The following NCALD variants were observed in gnomAD, a reference collection of about 807,000 sequenced individuals.
NCALD encodes the protein neurocalcin-delta.
In NCALD, 10 loss-of-function variants were observed where a neutral mutation model predicts 18.6. That is an observed-to-expected ratio of 0.54 (90% confidence interval 0.33 to 0.91). The LOEUF (loss-of-function observed/expected upper bound fraction) is 0.91, where lower values mean the gene tolerates loss of function less well. Ranked by LOEUF, NCALD falls within the 40% of genes least tolerant of loss-of-function variation. The pLI is 0.03. For missense variants in NCALD, 184 were observed against 247.6 expected (o/e 0.74, Z 1.72); for synonymous variants, 88 against 87.4 (o/e 1.01, Z -0.04).
At chr8:101,988,134 G>A (rs1394195805) in intron 2 of NCALD, among the ~76,000 whole-genome samples, 2 of 126,910 alleles carry the variant, frequency 1.6e-5, no homozygotes, top group Non-Finnish European at 3.1e-5. Context: ...CGGCCTGGGC[G>A]AAACAGCGAG....
At chr8:102,118,271 C>T (rs1179874064) in intron 1 of NCALD, among the ~76,000 whole-genome samples, 3 of 152,236 alleles carry the variant, frequency 2.0e-5, no homozygotes, top group Non-Finnish European at 4.4e-5. Flanking sequence ...GCCAGCAGCC[C>T]TGTCCCCTGA....
intron 2 of NCALD, among the ~76,000 whole-genome samples, chr8:101,925,446 T>C (rs977659900): frequency 1.3e-5 from 2 of 152,070 alleles, no homozygotes; most frequent in Admixed American, 6.6e-5. Flanking sequence ...AGTTGAAGGA[T>C]AGACACATAT....
At chr8:101,889,168 T>C (rs1211589687) in intron 3 of NCALD, among the ~76,000 whole-genome samples, 1 of 152,250 alleles carries the variant, frequency 6.6e-6, no homozygotes, top group Non-Finnish European at 1.5e-5. Context: ...GGAAGATTTA[T>C]CTCTTGCAGT....
chr8:102,115,733 C>A (rs1159964413), intron 1 of NCALD, among the ~76,000 whole-genome samples: 1 of 152,230 alleles, frequency 6.6e-6, no homozygotes, highest in Admixed American at 6.5e-5. Context: ...TGAGTCTCTG[C>A]TGCTTCTGCT....
Position 101,704,954 on chromosome 8 carries a change from G to A in NCALD, c.379-12058C>T, listed in dbSNP as rs560674084. On this transcript the variant is annotated intron_variant, in intron 2 of 3. Coordinates refer to ENST00000220931, the MANE Select transcript of NCALD (RefSeq NM_032041.3). ...AAAAAATAAAAAATAGGCCGGGCGCGGTGGCTCATGCCTGTAATCCCAGCA... is the reference window on the plus strand; with the variant it reads ...AAAAAATAAAAAATAGGCCGGGCGCAGTGGCTCATGCCTGTAATCCCAGCA... Among the ~76,000 whole-genome samples the A allele has an allele frequency of 1.9e-3, 290 of 151,868 alleles. 1 individual carries two copies. The highest frequency in any genetic ancestry group is 3.0e-3 in the Non-Finnish European group (201 of 67,958).
At position 101,753,698 on chromosome 8, in the gene NCALD, G is replaced by C. The variant is rs1173635529; in HGVS notation, c.-19-34050C>G. On this transcript the variant is annotated intron_variant, in intron 1 of 3. Transcript: ENST00000220931. ...TCTTAGATCTTAAGACACAAGGAAG[G>C]GATAGTCTCTTTCTGCGTCTAGTGC... Among the ~76,000 whole-genome samples, 3 of 152,140 alleles carry C rather than the reference G, an allele frequency of 2.0e-5. No homozygotes were observed. The East Asian group carries it at 5.8e-4, about 29-fold the overall frequency.
chr8:101,710,268 G>T (rs910755184), intron 2 of NCALD, among the ~76,000 whole-genome samples: 1 of 152,184 alleles, frequency 6.6e-6, no homozygotes, highest in Middle Eastern at 3.2e-3. Flanking sequence ...TTCACAACCC[G>T]CAGACTGGGA....
intron 1 of NCALD, among the ~76,000 whole-genome samples, chr8:102,103,083 A>C (rs1825339395): frequency 6.6e-6 from 1 of 152,146 alleles, no homozygotes; most frequent in African/African-American, 2.4e-5. Flanking sequence ...CTTTTGGGGA[A>C]ACCAGATGAG....
chr8:101,799,728 T>G (rs1347731803), intron 4 of NCALD, among the ~76,000 whole-genome samples: 1 of 152,100 alleles, frequency 6.6e-6, no homozygotes, highest in Non-Finnish European at 1.5e-5. Flanking sequence ...GACAAAATTA[T>G]CGAAATAAAA....
chr8:101,950,939 A>T (rs1366540324), intron 2 of NCALD, among the ~76,000 whole-genome samples: 2 of 152,240 alleles, frequency 1.3e-5, no homozygotes, highest in Non-Finnish European at 2.9e-5. Context: ...ACCTACAAGT[A>T]CTAAACACTA....
intron 4 of NCALD, among the ~76,000 whole-genome samples, chr8:101,880,441 G>A (rs1028021261): frequency 6.6e-5 from 10 of 152,182 alleles, no homozygotes; most frequent in Admixed American, 2.0e-4. Flanking sequence ...TGGCCAGCCC[G>A]GAGAGGGGCC....
chr8:101,811,336 G>A (rs1813297323), intron 4 of NCALD, among the ~76,000 whole-genome samples: 3 of 152,170 alleles, frequency 2.0e-5, no homozygotes, highest in South Asian at 4.1e-4. Flanking sequence ...GATGGAGGAA[G>A]GGGCCATGAG....
chr8:102,035,993 G>C (rs1424447818), intron 1 of NCALD, among the ~76,000 whole-genome samples: 1 of 152,030 alleles, frequency 6.6e-6, no homozygotes, highest in East Asian at 1.9e-4. Flanking sequence ...ATCTCTAGTA[G>C]AAGATCAGAA....
chr8:101,843,735 C>G (rs1357547661), intron 4 of NCALD, among the ~76,000 whole-genome samples: 2 of 152,010 alleles, frequency 1.3e-5, no homozygotes, highest in African/African-American at 4.8e-5. Context: ...GCGTGTGCCA[C>G]CATACCCAGC....
chr8:102,003,692 G>A (rs550543324), intron 2 of NCALD, among the ~76,000 whole-genome samples: 28 of 152,290 alleles, frequency 1.8e-4, no homozygotes, highest in African/African-American at 6.5e-4. Context: ...GATCAAGTGG[G>A]CTTCATCCCT....
chr8:102,073,600 G>T lies in NCALD; in HGVS notation c.-210+50637C>A, dbSNP rs186832330. ...AAACAAAATATATATTATTTTTAAA[G>T]CTACTTGTCTCAAATTGTCAAGCAG... On this transcript the variant is annotated intron_variant, in intron 1 of 6. Transcript: ENST00000311028. 6.6e-5 allele frequency among the ~76,000 whole-genome samples: 10 copies of T among 151,672 alleles called. No individual in the cohort carries two copies. The East Asian group carries it at 1.9e-3, about 29-fold the overall frequency.
chr8:101,718,225 C>A lies in NCALD; in HGVS notation c.378+1027G>T, dbSNP rs190853715. On this transcript the variant is annotated intron_variant, in intron 2 of 3. Coordinates refer to ENST00000220931, the MANE Select transcript of NCALD (RefSeq NM_032041.3). Reference sequence around the variant, plus strand: ...AGAAAATGCCTCTGGGAGGCTGAGGCACCTTCCTTTTATTTATTTCATTTC... The same window carrying A: ...AGAAAATGCCTCTGGGAGGCTGAGGAACCTTCCTTTTATTTATTTCATTTC... 8.6e-4 allele frequency among the ~76,000 whole-genome samples: 131 copies of A among 152,250 alleles called. No individual in the cohort carries two copies. The Middle Eastern group carries it at 0.01, about 12-fold the overall frequency.
chr8:101,740,488 C>T (rs1810138975), intron 1 of NCALD, among the ~76,000 whole-genome samples: 1 of 152,218 alleles, frequency 6.6e-6, no homozygotes, highest in African/African-American at 2.4e-5. Context: ...GATCTCTGTA[C>T]TCCTTCCACT....
At chr8:101,712,665 A>C (rs919568621) in intron 2 of NCALD, among the ~76,000 whole-genome samples, 2 of 152,018 alleles carry the variant, frequency 1.3e-5, no homozygotes, top group Non-Finnish European at 2.9e-5. Context: ...ATCAACAAAG[A>C]TCAAAAAAGA....
Sources: allele counts gnomAD v4.1 joint callset (sites outside exome capture counted in the v4.1 genomes callset), GRCh38; gene constraint gnomAD v4.1.1; transcripts MANE v1.5; gene names NCBI Gene and HGNC (gene_info 2026-07-23, HGNC 2026-07-21).